The following VPS13C variants were observed in gnomAD, a reference collection of about 807,000 sequenced individuals.
VPS13C encodes the protein intermembrane lipid transfer protein VPS13C.
Under a neutral mutation model 456.8 loss-of-function variants are expected in VPS13C, and 358 were observed. The observed-to-expected ratio is 0.78, with a 90% CI of 0.72 to 0.86. The LOEUF (loss-of-function observed/expected upper bound fraction) is 0.86, where lower values mean the gene tolerates loss of function less well. VPS13C is among the 40% of genes least tolerant of loss of function. VPS13C has a pLI of 0.00. For missense variants in VPS13C, 4,818 were observed against 4,385.4 expected (o/e 1.10, Z -2.79); for synonymous variants, 1,578 against 1,486.7 (o/e 1.06, Z -1.41).
intron 12 of VPS13C, 133 bp from the exon 13 acceptor site, chr15:62,010,732 C>A: frequency 2.1e-6 from 2 of 959,856 alleles, no homozygotes; most frequent in Non-Finnish European, 2.8e-6. Flanking sequence ...AAATCACTAC[C>A]AAAAAATATT....
chr15:62,048,549 T>G (rs1325488162), intron 1 of VPS13C, among the ~76,000 whole-genome samples: 5 of 152,170 alleles, frequency 3.3e-5, no homozygotes, highest in Admixed American at 2.0e-4. Context: ...TTGTGAATAG[T>G]GCCGCAATAA....
chr15:61,873,227 G>T lies in VPS13C; in HGVS notation c.10578+19C>A. The T allele has an allele frequency of 6.2e-7, 1 of 1,611,760 alleles. No individual in the cohort carries two copies. The highest frequency in any genetic ancestry group is 8.5e-7 in the Non-Finnish European group (1 of 1,178,992). ...TTTTTTAAGTTGCAGATTTCTTAAA[G>T]ATTCAGCAAAGAACTTACTCGCAGA... On this transcript the variant is annotated intron_variant, in intron 78 of 84. Transcript: ENST00000644861.
intron 41 of VPS13C, among the ~76,000 whole-genome samples, chr15:61,950,035 T>C (rs1037862242): frequency 2.6e-5 from 4 of 152,190 alleles, no homozygotes; most frequent in Non-Finnish European, 4.4e-5. Context: ...ATAATTCAAA[T>C]GTTTAATGCT....
chr15:61,868,841 T>C (rs1894789249), intron 80 of VPS13C, 68 bp from the exon 81 acceptor site: 1 of 1,200,576 alleles, frequency 8.3e-7, no homozygotes, highest in Non-Finnish European at 1.2e-6. Context: ...TGTGTGTTGA[T>C]TAAATACATA....
chr15:61,971,640 T>C (rs1567060542), intron 27 of VPS13C, among the ~76,000 whole-genome samples: 1 of 152,186 alleles, frequency 6.6e-6, no homozygotes, highest in Admixed American at 6.5e-5. Flanking sequence ...TAAGAGGCTA[T>C]TGCAAAATAA....
intron 2 of VPS13C, among the ~76,000 whole-genome samples, chr15:62,043,736 A>G (rs1285084797): frequency 6.6e-6 from 1 of 152,236 alleles, no homozygotes; most frequent in Non-Finnish European, 1.5e-5. Flanking sequence ...TGGGGGATGG[A>G]GGGCATTGTT....
In VPS13C at chr15:61,981,347, A is replaced by G; in HGVS notation, c.2161T>C (p.Phe721Leu). Residue 721 changes from phenylalanine (F) to leucine (L), a missense_variant, in exon 22 of 85, where the codon TTT (phenylalanine) becomes CTT (leucine). Coordinates refer to ENST00000644861, the MANE Select transcript of VPS13C (RefSeq NM_020821.3). The stretch of plus-strand genomic sequence containing the variant: ...AAAAACGCATATATACCTACCTGAA[A>G]TGTACCAAAATCTAAAATCAGAAGA... The part of the protein sequence containing the change: ...SDLLILDFGT[F>L]QLNSKDQGLQ... 6.2e-7 allele frequency: 1 copy of G among 1,608,630 alleles called. No individual in the cohort carries two copies. The highest frequency in any genetic ancestry group is 8.5e-7 in the Non-Finnish European group (1 of 1,178,358).
At position 61,873,353 on chromosome 15, in the gene VPS13C, C is replaced by T. The variant is rs1555408624; in HGVS notation, c.10471G>A (p.Ala3491Thr). ...ITGSVGKGLA[A>T]ITMDKEYQQK... ...TGATATTCCTTGTCCATTGTAATTG[C>T]TGCCAAACCTTTCCCAACAGAACCG... Residue 3491 changes from alanine to threonine, a missense_variant, in exon 78 of 85, where the codon GCA (alanine) becomes ACA (threonine). Transcript: ENST00000644861. 6.2e-7 allele frequency: 1 copy of T among 1,613,766 alleles called. No homozygotes were observed. Among genetic ancestry groups the T allele is most frequent in the Non-Finnish European group, 8.5e-7 (1 of 1,179,798 alleles).
intron 82 of VPS13C, among the ~76,000 whole-genome samples, chr15:61,861,981 T>C (rs372584538): frequency 9.8e-4 from 149 of 152,174 alleles, no homozygotes; most frequent in African/African-American, 3.4e-3. Context: ...ATGCCTGCAA[T>C]CCCAGCTACT....
chr15:62,028,008 T>C (rs1009136305), intron 6 of VPS13C, among the ~76,000 whole-genome samples: 1 of 152,052 alleles, frequency 6.6e-6, no homozygotes, highest in African/African-American at 2.4e-5. Context: ...AGGAACTGCT[T>C]AATTCAGAAA....
At chr15:62,021,257 G>T (rs1337786445) in intron 8 of VPS13C, among the ~76,000 whole-genome samples, 1 of 151,760 alleles carries the variant, frequency 6.6e-6, no homozygotes, top group Non-Finnish European at 1.5e-5. Context: ...AGTATATCAT[G>T]TAACAACACT....
chr15:62,030,184 A>C (rs2047765228), intron 5 of VPS13C, among the ~76,000 whole-genome samples: 1 of 152,218 alleles, frequency 6.6e-6, no homozygotes, highest in Admixed American at 6.5e-5. Context: ...AAAGAATTAA[A>C]GATAAATTTA....
chr15:61,883,434 C>A (rs1196304386), intron 68 of VPS13C, among the ~76,000 whole-genome samples: 2 of 151,978 alleles, frequency 1.3e-5, no homozygotes, highest in Non-Finnish European at 2.9e-5. Flanking sequence ...TTAAGTATGG[C>A]CAAAATTGGT....
chr15:62,048,336 G>A (rs1284222011), intron 1 of VPS13C, among the ~76,000 whole-genome samples: 1 of 134,188 alleles, frequency 7.5e-6, no homozygotes, highest in African/African-American at 2.8e-5. Flanking sequence ...TCCCACCTAT[G>A]AGTGAGAACA....
chr15:62,044,042 A>G (rs978570598), intron 2 of VPS13C, among the ~76,000 whole-genome samples, 170 bp downstream of exon 2: 1 of 152,180 alleles, frequency 6.6e-6, no homozygotes, highest in Non-Finnish European at 1.5e-5. Flanking sequence ...AGGGGAAAAA[A>G]TTTCTAAATC....
chr15:61,865,858 A>G (rs1894547880), intron 81 of VPS13C: 8 of 936,290 alleles, frequency 8.5e-6, no homozygotes, highest in Non-Finnish European at 8.9e-6. Context: ...TGGAAATATA[A>G]TATATGATTC....
rs773006634 is a variant in VPS13C at position 61,977,083 on chromosome 15, T to C, written c.2407A>G (p.Arg803Gly). The C allele has an allele frequency of 6.3e-7, 1 of 1,589,040 alleles. No individual in the cohort carries two copies. Among genetic ancestry groups the C allele is most frequent in the Non-Finnish European group, 8.6e-7 (1 of 1,164,700 alleles). Residue 803 changes from arginine (R) to glycine (G), a missense_variant and splice_region_variant, in exon 24 of 85, where the codon AGA becomes GGA. Around this residue, in one of 3 missense-constraint regions of VPS13C, gnomAD observed 4,552 missense variants for 4,130.6 expected, o/e 1.10. Coordinates refer to ENST00000644861, the MANE Select transcript of VPS13C (RefSeq NM_020821.3). ...ATATAAAAGAAGTTTATACATTACCTGGCCATTCTAATGTCTTTTTCTACC... is the reference window on the plus strand; with the variant it reads ...ATATAAAAGAAGTTTATACATTACCCGGCCATTCTAATGTCTTTTTCTACC... The part of the protein sequence containing the change: ...AMVEKDIRMA[R>G]FKVSGGLPLM...
intron 3 of VPS13C, among the ~76,000 whole-genome samples, chr15:62,040,717 T>C (rs2048213944): frequency 6.6e-6 from 1 of 152,032 alleles, no homozygotes; most frequent in Admixed American, 6.6e-5. Flanking sequence ...TTTAAAAATG[T>C]ATAAATTAAA....
At chr15:61,885,299 T>C (rs1242961242) in intron 67 of VPS13C, among the ~76,000 whole-genome samples, 1 of 152,134 alleles carries the variant, frequency 6.6e-6, no homozygotes, top group Non-Finnish European at 1.5e-5. Flanking sequence ...TCATCAATTC[T>C]GCAATTATGC....
Sources: allele counts gnomAD v4.1 joint callset (sites outside exome capture counted in the v4.1 genomes callset), GRCh38; gene constraint gnomAD v4.1.1; regional missense constraint gnomAD v4.1.1; transcripts MANE v1.5; gene names NCBI Gene and HGNC (gene_info 2026-07-23, HGNC 2026-07-21).